Variants in UGT1A10 observed in about 807,000 individuals in gnomAD.
UGT1A10 encodes UDP-glucuronosyltransferase 1A10.
UGT1A10 carries 49 observed loss-of-function variants against 45.8 expected under a neutral mutation model. That is an observed-to-expected ratio of 1.07 (90% CI 0.85 to 1.36). UGT1A10 has a LOEUF of 1.36. Among genes scored for constraint, UGT1A10 ranks in the 40% most tolerant of loss-of-function variants. The pLI, the probability that UGT1A10 is intolerant of heterozygous loss-of-function variation, is 0.00. For synonymous variants in UGT1A10, 284 were observed against 249.7 expected (o/e 1.14, Z -1.29); for missense variants, 745 against 668.6 (o/e 1.11, Z -1.26).
chr2:233,684,472 T>C (rs902470893), intron 1 of UGT1A10, among the ~76,000 whole-genome samples: 2 of 152,168 alleles, frequency 1.3e-5, no homozygotes, highest in Non-Finnish European at 2.9e-5. Context: ...GCTGAGTTTG[T>C]TGTGGCTCAA....
At chr2:233,728,395 C>G (rs989594953) in intron 1 of UGT1A10, among the ~76,000 whole-genome samples, 1 of 152,120 alleles carries the variant, frequency 6.6e-6, no homozygotes, top group Non-Finnish European at 1.5e-5. Flanking sequence ...GTTGTCTTGC[C>G]CATGTGTGCT....
chr2:233,675,322 G>A (rs2074317475), intron 1 of UGT1A10, among the ~76,000 whole-genome samples: 1 of 152,168 alleles, frequency 6.6e-6, no homozygotes, highest in African/African-American at 2.4e-5. Context: ...GTTGATTAAT[G>A]ATGTGTAAAT....
intron 1 of UGT1A10, among the ~76,000 whole-genome samples, chr2:233,730,748 G>C (rs2078070259): frequency 6.6e-6 from 1 of 152,108 alleles, no homozygotes; most frequent in Non-Finnish European, 1.5e-5. Flanking sequence ...CTAGGGAGGA[G>C]ATAAGACTGT....
At chr2:233,672,253 T>C (rs2125501811) in intron 1 of UGT1A10, 1 of 1,614,200 alleles carries the variant, frequency 6.2e-7, no homozygotes, top group Middle Eastern at 1.6e-4. Flanking sequence ...AAGTATATAT[T>C]CTCTATTAAT....
chr2:233,743,362 C>T (rs1294240310), intron 1 of UGT1A10: 4 of 1,036,752 alleles, frequency 3.9e-6, no homozygotes, highest in Non-Finnish European at 5.4e-6. Flanking sequence ...CTTGAAGCTG[C>T]CTGTCCCATC....
At chr2:233,705,805 A>G (rs752228556) in intron 1 of UGT1A10, among the ~76,000 whole-genome samples, 1 of 152,190 alleles carries the variant, frequency 6.6e-6, no homozygotes, top group Admixed American at 6.5e-5. Flanking sequence ...TTCAAAAATT[A>G]TTAAGAATTT....
intron 1 of UGT1A10, chr2:233,729,857 C>T: frequency 6.2e-7 from 1 of 1,613,876 alleles, no homozygotes; most frequent in Non-Finnish European, 8.5e-7. Context: ...AGAGAGGTGT[C>T]AGTGGTGGAT....
At chr2:233,757,551 T>C (rs9711503) in intron 1 of UGT1A10, among the ~76,000 whole-genome samples, 892 of 76,060 alleles carry the variant, frequency 0.012, 7 homozygotes, top group South Asian at 0.018. Flanking sequence ...TATATATATA[T>C]ATATATATAT....
At chr2:233,668,811 T>C (rs1231364815) in intron 1 of UGT1A10, among the ~76,000 whole-genome samples, 1 of 152,216 alleles carries the variant, frequency 6.6e-6, no homozygotes, top group Non-Finnish European at 1.5e-5. Flanking sequence ...TTACCTAATG[T>C]CCTTGTTCTT....
chr2:233,738,569 A>G (rs1031993936), intron 1 of UGT1A10, among the ~76,000 whole-genome samples: 1 of 152,222 alleles, frequency 6.6e-6, no homozygotes, highest in African/African-American at 2.4e-5. Context: ...GAATCTGTTG[A>G]GAACTGGAGC....
intron 1 of UGT1A10, among the ~76,000 whole-genome samples, chr2:233,745,477 A>G (rs1693119079): frequency 6.6e-6 from 1 of 151,704 alleles, no homozygotes; most frequent in African/African-American, 2.4e-5. Context: ...AAAATGATTA[A>G]CCAAAGAACA....
chr2:233,726,660 C>T (rs1324715982), intron 1 of UGT1A10, among the ~76,000 whole-genome samples: 1 of 152,178 alleles, frequency 6.6e-6, no homozygotes, highest in Non-Finnish European at 1.5e-5. Flanking sequence ...TTAATTTAAT[C>T]ATATCTGTGA....
intron 1 of UGT1A10, chr2:233,761,148 C>G: frequency 6.2e-7 from 1 of 1,614,128 alleles, no homozygotes; most frequent in South Asian, 1.1e-5. Flanking sequence ...ATCCACTATC[C>G]CAGGTGTGTA....
intron 1 of UGT1A10, chr2:233,744,072 T>C (rs1692686314): frequency 2.1e-6 from 1 of 476,432 alleles, no homozygotes; most frequent in South Asian, 2.0e-5. Context: ...TATGAGCGCC[T>C]CGCATCCCAA....
At chr2:233,725,591 T>G (rs1479177749) in intron 1 of UGT1A10, among the ~76,000 whole-genome samples, 1 of 152,130 alleles carries the variant, frequency 6.6e-6, no homozygotes, top group Non-Finnish European at 1.5e-5. Context: ...ACTTAACTAT[T>G]TGACATAGTT....
At chr2:233,733,973 G>A (rs2078462378) in intron 1 of UGT1A10, among the ~76,000 whole-genome samples, 1 of 152,034 alleles carries the variant, frequency 6.6e-6, no homozygotes, top group African/African-American at 2.4e-5. Flanking sequence ...GGGGGAGCGG[G>A]GAGGGATAGC....
At chr2:233,767,317 G>A in intron 2 of UGT1A10, 152 bp downstream of exon 2, 4 of 1,492,088 alleles carry the variant, frequency 2.7e-6, no homozygotes, top group Non-Finnish European at 3.5e-6. Flanking sequence ...TTTTTTTGTT[G>A]TTGTGGTTGT....
chr2:233,744,767 T>G (rs1692915618), intron 1 of UGT1A10, among the ~76,000 whole-genome samples: 1 of 151,916 alleles, frequency 6.6e-6, no homozygotes, highest in Non-Finnish European at 1.5e-5. Flanking sequence ...GTTTTAACTT[T>G]GCAAAATTCT....
rs11568317 is a variant in UGT1A10 at position 233,757,117 on chromosome 2, A to G, written c.856-9917A>G. ...GAGGGAGGGGGCAAGCAGAAGGGCT[A>G]GAGAGGAGGAATGAGCTTGGACAGG... On this transcript the variant is annotated intron_variant, in intron 1 of 4. Transcript: ENST00000344644. Among the ~76,000 whole-genome samples, 108 of 151,324 alleles carry G rather than the reference A, an allele frequency of 7.1e-4. 1 individual carries two copies. In the East Asian group the frequency reaches 0.02, roughly 28 times the overall value.
Sources: gnomAD v4.1 joint callset for allele counts (sites outside exome capture counted in the v4.1 genomes callset) on GRCh38, gnomAD v4.1.1 for gene constraint, MANE v1.5 for transcripts, NCBI Gene and HGNC (gene_info 2026-07-23, HGNC 2026-07-21) for gene names.